The following C19orf53 variants were observed in gnomAD, a reference collection of about 807,000 sequenced individuals.
The protein encoded by C19orf53 is leydig cell tumor 10 kDa protein homolog.
A neutral mutation model predicts 6.5 loss-of-function variants in C19orf53; 9 were observed. The ratio of observed to expected loss-of-function variants is 1.38; its 90% CI spans 0.83 to 2.40. C19orf53 has a LOEUF of 2.40. Ranked by LOEUF, C19orf53 falls within the 30% of genes most tolerant of loss-of-function variation. C19orf53 has a pLI of 0.00. For synonymous variants in C19orf53, 68 were observed against 52.5 expected (o/e 1.29, Z -1.27); for missense variants, 166 against 129.7 (o/e 1.28, Z -1.36).
intron 2 of C19orf53, among the ~76,000 whole-genome samples, chr19:13,777,695 C>A (rs1297066362): frequency 6.6e-6 from 1 of 152,196 alleles, no homozygotes; most frequent in Non-Finnish European, 1.5e-5. Flanking sequence ...TGACCTGGGG[C>A]AGAGGAGGCT....
At chr19:13,777,846 A>G (rs1440904174) in intron 2 of C19orf53, among the ~76,000 whole-genome samples, 1 of 152,314 alleles carries the variant, frequency 6.6e-6, no homozygotes, top group Non-Finnish European at 1.5e-5. Flanking sequence ...TTAGAAGCCA[A>G]GGTGCAGAAG....
At chr19:13,776,561 T>C (rs1974373922) in intron 2 of C19orf53, among the ~76,000 whole-genome samples, 1 of 152,144 alleles carries the variant, frequency 6.6e-6, no homozygotes, top group South Asian at 2.1e-4. Context: ...CCTCGTCTCC[T>C]TCCACCCTCT....
chr19:13,774,848 GAT>G, intron 2 of C19orf53, 141 bp downstream of exon 2: 1 of 1,180,854 alleles, frequency 8.5e-7, no homozygotes, highest in Non-Finnish European at 1.2e-6. Flanking sequence ...GGAGCGAGGG[GAT>G]AGAGCCAGGG....
Position 13,777,967 on chromosome 19 carries a change from C to T in C19orf53, c.154-85C>T, listed in dbSNP as rs190016325. 2.0e-5 allele frequency: 30 copies of T among 1,501,438 alleles called. No individual in the cohort carries two copies. The African/African-American group carries it at 3.1e-4, about 15-fold the overall frequency. 93.0% of individuals were successfully genotyped at this position (1,501,438 alleles called of 1,614,324 possible). On this transcript the variant is annotated intron_variant, in intron 2 of 2. Transcript: ENST00000588234. The stretch of plus-strand genomic sequence containing the variant: ...GGATAGTTGCTGATCTAGCCCCCTG[C>T]GAGCTCTAGCCAGGAAGAGGGTGAC...
Position 13,778,534 on chromosome 19 carries a change from G to A in C19orf53, c.*336G>A, listed in dbSNP as rs187579039. 12 of 189,396 alleles carry A rather than the reference G, an allele frequency of 6.3e-5. No homozygotes were observed. In the South Asian group the frequency reaches 9.2e-4, roughly 14 times the overall value. The allele number at this position is 189,396 out of a possible 1,614,324, so 11.7% of individuals were successfully genotyped here. On this transcript the variant is annotated 3_prime_UTR_variant, in exon 3 of 3. Transcript: ENST00000588234. ...GTCTCCATGAGTGACGTGGCCTGGC[G>A]TGCTCCACCCCACCCCACCGCCTTT...
Position 13,778,324 on chromosome 19 carries a change from C to A in C19orf53, c.*126C>A. ...CCCCAGCACTGGGCTTCACCTAGAA[C>A]TTCAGTGGGGGCCAAGGGTGCTGAG... On this transcript the variant is annotated 3_prime_UTR_variant, in exon 3 of 3. Coordinates refer to ENST00000588234, the MANE Select transcript of C19orf53 (RefSeq NM_014047.3). The A allele has an allele frequency of 1.6e-6, 2 of 1,212,914 alleles. No individual in the cohort carries two copies. Among genetic ancestry groups the A allele is most frequent in the Non-Finnish European group, 1.1e-6 (1 of 908,736 alleles). 75.1% of individuals were successfully genotyped at this position (1,212,914 alleles called of 1,614,324 possible).
At chr19:13,777,745 G>A (rs367753396) in intron 2 of C19orf53, among the ~76,000 whole-genome samples, 3 of 152,190 alleles carry the variant, frequency 2.0e-5, no homozygotes, top group Non-Finnish European at 4.4e-5. Flanking sequence ...TGGGCACGCC[G>A]GATCCCATGC....
intron 2 of C19orf53, among the ~76,000 whole-genome samples, chr19:13,777,547 G>T (rs2145214641): frequency 6.6e-6 from 1 of 152,306 alleles, no homozygotes; most frequent in South Asian, 2.1e-4. Flanking sequence ...AGAATGGCAG[G>T]GCAGAGGCAG....
At position 13,774,629 on chromosome 19, in the gene C19orf53, C is replaced by T. The variant is rs112551731; in HGVS notation, c.98-23C>T. 1,969 of 1,613,086 alleles carry T rather than the reference C, an allele frequency of 1.2e-3. 21 individuals carry two copies. In the African/African-American group the frequency reaches 0.022, roughly 18 times the overall value. On this transcript the variant is annotated intron_variant, in intron 1 of 2. Coordinates refer to ENST00000588234, the MANE Select transcript of C19orf53 (RefSeq NM_014047.3). The stretch of plus-strand genomic sequence containing the variant: ...AGGTGGACCCCCGGCTTCCCGGCCT[C>T]ACGTGAGCACATCTTTCCCCAGGTC...
At chr19:13,776,524 T>G (rs1262968519) in intron 2 of C19orf53, among the ~76,000 whole-genome samples, 1 of 152,092 alleles carries the variant, frequency 6.6e-6, no homozygotes, top group African/African-American at 2.4e-5. Flanking sequence ...CAGTCCTCAC[T>G]CAGCCACAAG....
chr19:13,777,591 T>G (rs950648853), intron 2 of C19orf53, among the ~76,000 whole-genome samples: 6 of 152,060 alleles, frequency 3.9e-5, no homozygotes, highest in African/African-American at 1.4e-4. Context: ...CAGTTTGGGG[T>G]TCACACTGCT....
Position 13,778,124 on chromosome 19 carries a change from A to G in C19orf53, c.226A>G (p.Lys76Glu), listed in dbSNP as rs765563568. Residue 76 changes from lysine to glutamate, a missense_variant, in exon 3 of 3, where the codon AAG becomes GAG. Lys to Glu is a moderately conservative substitution (Grantham distance 56, BLOSUM62 1). Coordinates refer to ENST00000588234, the MANE Select transcript of C19orf53 (RefSeq NM_014047.3). Reference sequence around the variant, plus strand: ...GAAAGCCAGCAGCAGCCTGCCCAAGAAGCTGGCACTGCTGAAGGCCCCAGC... The same window carrying G: ...GAAAGCCAGCAGCAGCCTGCCCAAGGAGCTGGCACTGCTGAAGGCCCCAGC... ...VMKASSSLPK[K>E]LALLKAPAKK... 3 of 1,613,156 alleles carry G rather than the reference A, an allele frequency of 1.9e-6. No individual in the cohort carries two copies. Among genetic ancestry groups the G allele is most frequent in the Non-Finnish European group, 2.5e-6 (3 of 1,179,504 alleles).
chr19:13,778,025 T>G (rs756531255), intron 2 of C19orf53, 27 bp from the exon 3 acceptor site: 13 of 1,589,388 alleles, frequency 8.2e-6, no homozygotes, highest in Non-Finnish European at 1.1e-5. Flanking sequence ...CAGGTCACAA[T>G]CTGACTGCCC....
Position 13,778,446 on chromosome 19 carries a change from A to C in C19orf53, c.*248A>C. On this transcript the variant is annotated 3_prime_UTR_variant, in exon 3 of 3. Coordinates refer to ENST00000588234, the MANE Select transcript of C19orf53 (RefSeq NM_014047.3). ...CCACAGGTTTAACCCAGAACAATAA[A>C]CCTGGCTTTGTCATCCCTCTTGCAG... 4 of 356,254 alleles carry C rather than the reference A, an allele frequency of 1.1e-5. No individual in the cohort carries two copies. The highest frequency in any genetic ancestry group is 2.0e-5 in the Non-Finnish European group (4 of 199,892). The allele number at this position is 356,254 out of a possible 1,614,324, so 22.1% of individuals were successfully genotyped here.
rs769781132 is a variant in C19orf53, at chr19:13,774,522, G to T, written c.45G>T (p.Lys15Asn). ...QRKFQAHKPAKSKTAAAASEK... is the reference protein window; with the variant it reads ...QRKFQAHKPANSKTAAAASEK... ...AGTTTCAGGCGCACAAACCCGCAAA[G>T]AGTAAGACGGCAGCGGCAGCCTCTG... Residue 15 changes from lysine (K) to asparagine (N), a missense_variant, in exon 1 of 3, where the codon AAG becomes AAT. Physicochemically the swap from Lys to Asn is moderately conservative, Grantham distance 94 (BLOSUM62 0). Coordinates refer to ENST00000588234, the MANE Select transcript of C19orf53 (RefSeq NM_014047.3). 7 of 1,613,762 alleles carry T rather than the reference G, an allele frequency of 4.3e-6. No homozygotes were observed. In the South Asian group the frequency reaches 7.7e-5, roughly 18 times the overall value.
chr19:13,777,308 CG>C (rs1268120316), intron 2 of C19orf53, among the ~76,000 whole-genome samples: 3 of 151,860 alleles, frequency 2.0e-5, no homozygotes, highest in African/African-American at 7.3e-5. Flanking sequence ...TGTAGTGGAA[CG>C]ATCATAGCTC....
At chr19:13,774,936 T>G in intron 2 of C19orf53, 1 of 591,840 alleles carries the variant, frequency 1.7e-6, no homozygotes, top group Non-Finnish European at 2.9e-6. Context: ...GGATAGGGGC[T>G]GGGGGACGTG....
rs750869623 is a variant in C19orf53 at position 13,774,533 on chromosome 19, C to A, written c.56C>A (p.Ala19Glu). Residue 19 changes from alanine (A) to glutamate (E), a missense_variant, in exon 1 of 3, where the codon GCA becomes GAA. Transcript: ENST00000588234. The stretch of plus-strand genomic sequence containing the variant: ...CACAAACCCGCAAAGAGTAAGACGG[C>A]AGCGGCAGCCTCTGAAAAGAATCGG... ...QAHKPAKSKT[A>E]AAASEKNRGP... 18 of 1,613,710 alleles carry A rather than the reference C, an allele frequency of 1.1e-5. No homozygotes were observed. The East Asian group carries it at 3.8e-4, about 34-fold the overall frequency.
chr19:13,778,082 G>A lies in C19orf53; in HGVS notation c.184G>A (p.Glu62Lys), dbSNP rs200488314. The A allele has an allele frequency of 6.2e-6, 10 of 1,612,694 alleles. No homozygotes were observed. The highest frequency in any genetic ancestry group is 2.2e-5 in the South Asian group (2 of 90,874). Residue 62 changes from glutamate to lysine, a missense_variant, in exon 3 of 3, where the codon GAA becomes AAA. By Grantham distance (56) the Glu-to-Lys change is moderately conservative (BLOSUM62 1). Transcript: ENST00000588234. ...AGAAGTCGGAATCCGGAAGAAGATC[G>A]AACATGACGTGGTGATGAAAGCCAG... Reference protein sequence around the residue: ...NLEVGIRKKIEHDVVMKASSS... With the variant: ...NLEVGIRKKIKHDVVMKASSS...
Sources: allele counts gnomAD v4.1 joint callset (sites outside exome capture counted in the v4.1 genomes callset), GRCh38; gene constraint gnomAD v4.1.1; transcripts MANE v1.5; gene names NCBI Gene and HGNC (gene_info 2026-07-23, HGNC 2026-07-21).